The following PTPRD variants were observed in gnomAD, a reference collection of about 807,000 sequenced individuals.
The protein encoded by PTPRD is receptor-type tyrosine-protein phosphatase delta.
Under a neutral mutation model 214.5 loss-of-function variants are expected in PTPRD, and 34 were observed. The ratio of observed to expected loss-of-function variants is 0.16; its 90% CI spans 0.12 to 0.21. PTPRD has a LOEUF of 0.21. PTPRD is among the 10% of genes least tolerant of loss of function. PTPRD has a pLI of 1.00. For synonymous variants in PTPRD, 1,128 were observed against 845.7 expected, an observed-to-expected ratio of 1.33 and a Z score of -5.79; for missense variants, 2,545 against 2,398.7, an observed-to-expected ratio of 1.06 and a Z score of -1.27.
intron 11 of PTPRD, among the ~76,000 whole-genome samples, chr9:8,939,615 T>G (rs1416124773): frequency 6.6e-6 from 1 of 152,184 alleles, no homozygotes; most frequent in Non-Finnish European, 1.5e-5. Flanking sequence ...AAATGTGCTC[T>G]GCACTGCAAA....
chr9:9,781,326 A>G (rs2098841112), intron 5 of PTPRD, among the ~76,000 whole-genome samples: 2 of 152,210 alleles, frequency 1.3e-5, no homozygotes, highest in South Asian at 4.1e-4. Context: ...ACACTGTTCT[A>G]AAAATACACA....
chr9:9,639,035 A>G (rs1231037070), intron 7 of PTPRD, among the ~76,000 whole-genome samples: 4 of 152,244 alleles, frequency 2.6e-5, no homozygotes, highest in Non-Finnish European at 5.9e-5. Flanking sequence ...ATACTGTTGC[A>G]TTCGGAATTA....
intron 7 of PTPRD, among the ~76,000 whole-genome samples, chr9:9,604,432 G>C (rs2094008428): frequency 1.3e-5 from 2 of 152,096 alleles, no homozygotes; most frequent in Admixed American, 1.3e-4. Flanking sequence ...AGAGAGATCA[G>C]TGGAATTTTA....
intron 8 of PTPRD, among the ~76,000 whole-genome samples, chr9:9,404,130 G>A (rs1213814252): frequency 6.6e-6 from 1 of 152,072 alleles, no homozygotes; most frequent in Non-Finnish European, 1.5e-5. Flanking sequence ...AGAGAGGTAG[G>A]TGGCCAGATT....
At chr9:8,478,440 A>G (rs1221891550) in intron 30 of PTPRD, among the ~76,000 whole-genome samples, 1 of 152,174 alleles carries the variant, frequency 6.6e-6, no homozygotes, top group Non-Finnish European at 1.5e-5. Context: ...TCTTTATTTC[A>G]ATTTTTTATA....
chr9:8,802,974 G>A (rs983073830), intron 11 of PTPRD, among the ~76,000 whole-genome samples: 4 of 152,092 alleles, frequency 2.6e-5, no homozygotes, highest in Admixed American at 6.6e-5. Flanking sequence ...GATCACTTGA[G>A]CCCAGGAGTT....
intron 12 of PTPRD, among the ~76,000 whole-genome samples, chr9:8,698,169 T>C (rs1182931214): frequency 2.6e-5 from 4 of 152,324 alleles, no homozygotes; most frequent in African/African-American, 4.8e-5. Context: ...GTTGATGATG[T>C]AGATATTGTA....
chr9:10,321,241 T>G (rs2096547238), intron 3 of PTPRD, among the ~76,000 whole-genome samples: 1 of 151,840 alleles, frequency 6.6e-6, no homozygotes, highest in Admixed American at 6.6e-5. Context: ...TGTAAGAGAG[T>G]GTCTGATACA....
intron 6 of PTPRD, among the ~76,000 whole-genome samples, chr9:9,743,406 G>A (rs2098424149): frequency 6.6e-6 from 1 of 152,054 alleles, no homozygotes; most frequent in Non-Finnish European, 1.5e-5. Context: ...TTAATGCCTA[G>A]ATCTAATTAC....
chr9:9,068,202 G>T (rs1159204854), intron 10 of PTPRD, among the ~76,000 whole-genome samples: 1 of 151,996 alleles, frequency 6.6e-6, no homozygotes, highest in Non-Finnish European at 1.5e-5. Flanking sequence ...ATTACTGAGT[G>T]CTAGCCCATG....
intron 10 of PTPRD, among the ~76,000 whole-genome samples, chr9:9,134,417 A>C (rs1447625581): frequency 6.6e-6 from 1 of 152,002 alleles, no homozygotes; most frequent in Non-Finnish European, 1.5e-5. Flanking sequence ...CTGTTAATCT[A>C]TCAGCAATTC....
chr9:9,197,790 T>C (rs1193724761), intron 9 of PTPRD, among the ~76,000 whole-genome samples: 1 of 152,250 alleles, frequency 6.6e-6, no homozygotes. Context: ...ATGTTTCAGA[T>C]ACTCAATAAA....
At chr9:9,343,502 G>A (rs865814824) in intron 9 of PTPRD, among the ~76,000 whole-genome samples, 2 of 151,982 alleles carry the variant, frequency 1.3e-5, no homozygotes, top group Non-Finnish European at 2.9e-5. Context: ...TCATATGTTT[G>A]TTGGCTACAT....
intron 8 of PTPRD, among the ~76,000 whole-genome samples, chr9:9,535,517 CCA>C (rs1253905608): frequency 5.3e-5 from 8 of 152,012 alleles, no homozygotes; most frequent in Non-Finnish European, 1.2e-4. Flanking sequence ...AAACTCTATC[CCA>C]GAGGGGAGGG....
intron 12 of PTPRD, among the ~76,000 whole-genome samples, chr9:8,647,714 T>C (rs979073541): frequency 6.6e-6 from 1 of 152,212 alleles, no homozygotes; most frequent in African/African-American, 2.4e-5. Flanking sequence ...ATTATACTTT[T>C]AAAATAATTC....
At chr9:10,263,142 G>A (rs1381635556) in intron 3 of PTPRD, among the ~76,000 whole-genome samples, 2 of 152,068 alleles carry the variant, frequency 1.3e-5, no homozygotes, top group Non-Finnish European at 2.9e-5. Context: ...AAATTACTCA[G>A]TCTCAGGTAT....
chr9:10,365,827 CTA>C (rs2097504794), intron 2 of PTPRD, among the ~76,000 whole-genome samples: 1 of 152,074 alleles, frequency 6.6e-6, no homozygotes, highest in Non-Finnish European at 1.5e-5. Context: ...TCCCACATTG[CTA>C]TGTCAATAAT....
In PTPRD at chr9:10,292,195, A is replaced by G. The variant is rs1010107178; in HGVS notation, c.-545+48768T>C. On this transcript the variant is annotated intron_variant, in intron 3 of 45. Coordinates refer to ENST00000381196, the MANE Select transcript of PTPRD (RefSeq NM_002839.4). ...ATTTTCAATTGCCCAAGTAAAAGAT[A>G]CTGAGGAGACATGTTGAATCTATTT... is the stretch of plus-strand genomic sequence containing the variant. 1.9e-4 allele frequency among the ~76,000 whole-genome samples: 29 copies of G among 152,180 alleles called. 1 individual carries two copies. The highest frequency in any genetic ancestry group is 6.3e-4 in the African/African-American group (26 of 41,546).
At chr9:8,470,295 G>C (rs191358271) in intron 31 of PTPRD, among the ~76,000 whole-genome samples, 1 of 152,190 alleles carries the variant, frequency 6.6e-6, no homozygotes, top group East Asian at 1.9e-4. Context: ...TAGTAATTAT[G>C]TCTTGTTCTT....
Sources: gnomAD v4.1 joint callset for allele counts (sites outside exome capture counted in the v4.1 genomes callset) on GRCh38, gnomAD v4.1.1 for gene constraint, MANE v1.5 for transcripts, NCBI Gene and HGNC (gene_info 2026-07-23, HGNC 2026-07-21) for gene names.